NLGN1: variants seen among roughly 807,000 people sequenced by gnomAD.
NLGN1 encodes the protein neuroligin-1.
A neutral mutation model predicts 65.5 loss-of-function variants in NLGN1; 12 were observed. That is an observed-to-expected ratio of 0.18 (90% confidence interval 0.12 to 0.30). NLGN1 has a LOEUF of 0.30. NLGN1 is among the 10% of genes least tolerant of loss of function. The pLI, the probability that NLGN1 is intolerant of heterozygous loss-of-function variation, is 1.00. For synonymous variants in NLGN1, 350 were observed against 359.5 expected, an observed-to-expected ratio of 0.97 and a Z score of 0.30; for missense variants, 750 against 1,007.1, an observed-to-expected ratio of 0.74 and a Z score of 3.46.
intron 2 of NLGN1, among the ~76,000 whole-genome samples, chr3:173,488,405 TTCCTCCTGGATTGAA>T (rs1204447361): frequency 6.6e-6 from 1 of 152,116 alleles, no homozygotes; most frequent in East Asian, 1.9e-4. Flanking sequence ...TTCCCCCACT[TTCCTCCTGGATTGAA>T]TTCTCTTTTC....
At chr3:173,864,102 A>G (rs1729657226) in intron 4 of NLGN1, among the ~76,000 whole-genome samples, 1 of 152,208 alleles carries the variant, frequency 6.6e-6, no homozygotes, top group African/African-American at 2.4e-5. Flanking sequence ...TGTCAACCCA[A>G]TAATGGACTG....
At chr3:173,480,821 C>T (rs1003291345) in intron 2 of NLGN1, among the ~76,000 whole-genome samples, 3 of 152,032 alleles carry the variant, frequency 2.0e-5, no homozygotes, top group Admixed American at 2.0e-4. Context: ...TGTAGCCAAA[C>T]TCCACATAGT....
At chr3:173,570,953 C>G (rs1468686500) in intron 2 of NLGN1, among the ~76,000 whole-genome samples, 1 of 152,128 alleles carries the variant, frequency 6.6e-6, no homozygotes, top group Non-Finnish European at 1.5e-5. Context: ...CCACCCGTCT[C>G]GGCCTCTCAA....
At chr3:173,841,774 A>G (rs1447322906) in intron 4 of NLGN1, among the ~76,000 whole-genome samples, 3 of 152,234 alleles carry the variant, frequency 2.0e-5, no homozygotes. Context: ...CAGGAGAGCC[A>G]AAGGATGAAA....
At chr3:173,939,587 T>C (rs1745647419) in intron 4 of NLGN1, among the ~76,000 whole-genome samples, 1 of 152,182 alleles carries the variant, frequency 6.6e-6, no homozygotes, top group Non-Finnish European at 1.5e-5. Context: ...GATAGGATTG[T>C]CAAAACAGAC....
At chr3:173,495,849 G>A (rs1166132528) in intron 2 of NLGN1, among the ~76,000 whole-genome samples, 2 of 151,556 alleles carry the variant, frequency 1.3e-5, no homozygotes, top group African/African-American at 2.4e-5. Flanking sequence ...TTCTGTCTCT[G>A]TACATGAAGT....
intron 4 of NLGN1, among the ~76,000 whole-genome samples, chr3:174,150,070 T>G (rs539407168): frequency 4.0e-4 from 61 of 152,240 alleles, no homozygotes; most frequent in African/African-American, 1.3e-3. Context: ...ACGCTATAAT[T>G]GGAAATTAGC....
chr3:173,586,551 C>A (rs1747480653), intron 2 of NLGN1, among the ~76,000 whole-genome samples: 1 of 152,194 alleles, frequency 6.6e-6, no homozygotes, highest in South Asian at 2.1e-4. Flanking sequence ...GATGAAATAG[C>A]AAAATATAAA....
chr3:173,606,062 A>G (rs1483587989), intron 3 of NLGN1, among the ~76,000 whole-genome samples: 1 of 152,058 alleles, frequency 6.6e-6, no homozygotes, highest in Non-Finnish European at 1.5e-5. Context: ...TCTCATCCTA[A>G]GGATAAATTT....
At chr3:174,167,597 T>TCCC (rs1561203376) in intron 4 of NLGN1, among the ~76,000 whole-genome samples, 7 of 150,452 alleles carry the variant, frequency 4.7e-5, no homozygotes, top group African/African-American at 1.5e-4. Context: ...TGCCCCCTTT[T>TCCC]TTTTTTTTTT....
At chr3:173,666,933 A>G (rs1761780841) in intron 3 of NLGN1, among the ~76,000 whole-genome samples, 1 of 152,204 alleles carries the variant, frequency 6.6e-6, no homozygotes, top group Non-Finnish European at 1.5e-5. Flanking sequence ...TTAACATTTT[A>G]TTGTATATTG....
chr3:173,737,695 A>G (rs1344434375), intron 3 of NLGN1, among the ~76,000 whole-genome samples: 2 of 152,090 alleles, frequency 1.3e-5, no homozygotes, highest in African/African-American at 4.8e-5. Flanking sequence ...TTTGGTTAGT[A>G]TAACTCATGC....
chr3:173,504,083 G>A (rs1160569652), intron 2 of NLGN1, among the ~76,000 whole-genome samples: 1 of 152,022 alleles, frequency 6.6e-6, no homozygotes, highest in Non-Finnish European at 1.5e-5. Flanking sequence ...GATGAGAAAT[G>A]TAATCAACTT....
intron 2 of NLGN1, among the ~76,000 whole-genome samples, chr3:173,600,041 T>C (rs1750177376): frequency 6.6e-6 from 1 of 152,078 alleles, no homozygotes; most frequent in African/African-American, 2.4e-5. Flanking sequence ...GTTAGTGAGG[T>C]GGCCTCAGGC....
intron 3 of NLGN1, among the ~76,000 whole-genome samples, chr3:173,617,403 A>G (rs1015009660): frequency 6.6e-6 from 1 of 152,208 alleles, no homozygotes; most frequent in Non-Finnish European, 1.5e-5. Flanking sequence ...AACATAATCA[A>G]CCTTAAGAAA....
At chr3:174,165,772 G>T (rs1165494601) in intron 4 of NLGN1, among the ~76,000 whole-genome samples, 1 of 151,988 alleles carries the variant, frequency 6.6e-6, no homozygotes, top group Admixed American at 6.6e-5. Context: ...AGTAGAATTG[G>T]TACAGGCTCT....
chr3:173,538,873 G>T (rs1445692211), intron 2 of NLGN1, among the ~76,000 whole-genome samples: 3 of 146,210 alleles, frequency 2.1e-5, no homozygotes, highest in Admixed American at 6.8e-5. Flanking sequence ...TATCTTCATG[G>T]TTTTTTTTTT....
At chr3:174,034,528 T>A (rs1246637430) in intron 4 of NLGN1, among the ~76,000 whole-genome samples, 2 of 152,060 alleles carry the variant, frequency 1.3e-5, no homozygotes, top group Non-Finnish European at 2.9e-5. Flanking sequence ...ATGACAGCAA[T>A]GTCACAAGGG....
intron 4 of NLGN1, among the ~76,000 whole-genome samples, chr3:174,042,726 A>G (rs1327870000): frequency 1.3e-5 from 2 of 152,184 alleles, no homozygotes; most frequent in Admixed American, 1.3e-4. Flanking sequence ...TTAAAAATAA[A>G]CATTTTTATG....
Sources: allele counts gnomAD v4.1 joint callset (sites outside exome capture counted in the v4.1 genomes callset), GRCh38; gene constraint gnomAD v4.1.1; transcripts MANE v1.5; gene names NCBI Gene and HGNC (gene_info 2026-07-23, HGNC 2026-07-21).